The following WDFY3 variants were observed in gnomAD, a reference collection of about 807,000 sequenced individuals.
WDFY3 encodes WD repeat and FYVE domain-containing protein 3.
A neutral mutation model predicts 409.6 loss-of-function variants in WDFY3; 66 were observed. The ratio of observed to expected loss-of-function variants is 0.16; its 90% confidence interval spans 0.13 to 0.20. The LOEUF is 0.20. WDFY3 is among the 10% of genes least tolerant of loss of function. WDFY3 has a pLI of 1.00. For synonymous variants in WDFY3, 1,521 were observed against 1,537.1 expected (o/e 0.99, Z 0.25); for missense variants, 3,031 against 4,298.1 (o/e 0.71, Z 8.24).
At chr4:84,915,461 TC>T (rs1768361665) in intron 2 of WDFY3, among the ~76,000 whole-genome samples, 1 of 152,106 alleles carries the variant, frequency 6.6e-6, no homozygotes, top group Admixed American at 6.6e-5. Context: ...AGTACTAGCT[TC>T]AAAGTATATA....
At chr4:84,856,470 T>C (rs1057021561) in intron 4 of WDFY3, among the ~76,000 whole-genome samples, 3 of 152,188 alleles carry the variant, frequency 2.0e-5, no homozygotes, top group African/African-American at 7.2e-5. Flanking sequence ...TAAATGTTAA[T>C]TATTTTTAAG....
intron 5 of WDFY3, among the ~76,000 whole-genome samples, chr4:84,846,168 C>T (rs935026705): frequency 2.4e-4 from 36 of 151,872 alleles, no homozygotes; most frequent in Admixed American, 1.2e-3. Context: ...AATTGAATAT[C>T]ATAGGATTCA....
chr4:84,712,800 T>C (rs969142714), intron 51 of WDFY3, among the ~76,000 whole-genome samples: 3 of 152,208 alleles, frequency 2.0e-5, no homozygotes, highest in East Asian at 1.9e-4. Context: ...GATGAATAGA[T>C]AGCGAATAAT....
At chr4:84,733,088 G>A (rs79692026) in intron 44 of WDFY3, among the ~76,000 whole-genome samples, 5,503 of 152,228 alleles carry the variant, frequency 0.036, 299 homozygotes, top group African/African-American at 0.13. Context: ...TGAAAACTCA[G>A]AGAGGTTTAA....
At chr4:84,780,375 T>C in intron 25 of WDFY3, 77 bp from the exon 26 acceptor site, 1 of 1,353,030 alleles carries the variant, frequency 7.4e-7, no homozygotes, top group South Asian at 1.7e-5. Context: ...TCTTGAAAAG[T>C]TTTTTAATTA....
chr4:84,741,977 C>A, intron 37 of WDFY3, 56 bp from the exon 38 acceptor site: 2 of 1,455,460 alleles, frequency 1.4e-6, no homozygotes, highest in East Asian at 2.4e-5. Context: ...AACACAGGAC[C>A]AGATCCTCAA....
intron 53 of WDFY3, among the ~76,000 whole-genome samples, chr4:84,707,387 A>G (rs572035121): frequency 1.3e-5 from 2 of 152,294 alleles, no homozygotes; most frequent in South Asian, 4.1e-4. Context: ...GAAATGAGAC[A>G]CTGGGTACAC....
intron 35 of WDFY3, among the ~76,000 whole-genome samples, chr4:84,752,138 C>A (rs562573483): frequency 9.9e-5 from 15 of 152,018 alleles, no homozygotes; most frequent in East Asian, 3.9e-4. Flanking sequence ...GTTAAAAAAA[C>A]CCCAAATAAA....
intron 2 of WDFY3, among the ~76,000 whole-genome samples, chr4:84,922,678 G>A (rs1769444250): frequency 6.6e-6 from 1 of 151,238 alleles, no homozygotes; most frequent in African/African-American, 2.4e-5. Context: ...GCTGTTTTTT[G>A]AGACAGGGTC....
At chr4:84,798,245 A>G in intron 17 of WDFY3, 137 bp from the exon 18 acceptor site, 1 of 677,116 alleles carries the variant, frequency 1.5e-6, no homozygotes, top group Non-Finnish European at 2.4e-6. Flanking sequence ...ATAAAACAAT[A>G]TAGTGTTAGT....
chr4:84,714,949 C>CAAAAAAAAAAAAA (rs770343929), intron 50 of WDFY3, among the ~76,000 whole-genome samples: 2 of 73,106 alleles, frequency 2.7e-5, no homozygotes, highest in African/African-American at 9.9e-5. Context: ...GACTCCGTCT[C>CAAAAAAAAAAAAA]AAAAAAAAAA....
chr4:84,921,901 T>C (rs944100941), intron 2 of WDFY3, among the ~76,000 whole-genome samples: 1 of 151,926 alleles, frequency 6.6e-6, no homozygotes, highest in Non-Finnish European at 1.5e-5. Context: ...GTGATCCACC[T>C]GCCTTGGCCT....
At chr4:84,682,580 A>G in intron 63 of WDFY3, 110 bp from the exon 64 acceptor site, 1 of 867,530 alleles carries the variant, frequency 1.2e-6, no homozygotes, top group South Asian at 1.6e-5. Context: ...CTTAATTTCC[A>G]TCATGTTATA....
At chr4:84,689,997 A>G (rs747413569) in intron 61 of WDFY3, among the ~76,000 whole-genome samples, 5 of 152,246 alleles carry the variant, frequency 3.3e-5, no homozygotes, top group Non-Finnish European at 5.9e-5. Context: ...GTAAAAATTA[A>G]TAATAGAATC....
chr4:84,943,308 T>C (rs2151050062), intron 1 of WDFY3, among the ~76,000 whole-genome samples: 1 of 152,226 alleles, frequency 6.6e-6, no homozygotes, highest in East Asian at 1.9e-4. Flanking sequence ...GAGACCATCC[T>C]GGCTAACACC....
chr4:84,785,741 AT>A (rs1386235443), intron 24 of WDFY3, among the ~76,000 whole-genome samples: 2 of 152,226 alleles, frequency 1.3e-5, no homozygotes, highest in Non-Finnish European at 2.9e-5. Flanking sequence ...TTAATTGCCA[AT>A]ATAAATAAAT....
intron 3 of WDFY3, among the ~76,000 whole-genome samples, chr4:84,896,080 ACC>A (rs1438642934): frequency 6.6e-6 from 1 of 151,854 alleles, no homozygotes; most frequent in African/African-American, 2.4e-5. Flanking sequence ...ACATGGTGAA[ACC>A]CCGTCTCTAC....
intron 3 of WDFY3, among the ~76,000 whole-genome samples, chr4:84,877,658 T>C (rs754728918): frequency 2.0e-5 from 3 of 152,202 alleles, no homozygotes; most frequent in Non-Finnish European, 4.4e-5. Flanking sequence ...TCCCATAGCA[T>C]CCTGTGTACA....
intron 44 of WDFY3, among the ~76,000 whole-genome samples, chr4:84,729,096 G>A (rs548823137): frequency 1.3e-5 from 2 of 152,122 alleles, no homozygotes; most frequent in African/African-American, 4.8e-5. Flanking sequence ...TCCTGCCCAA[G>A]TAACCCCAAA....
Sources: gnomAD v4.1 joint callset for allele counts (sites outside exome capture counted in the v4.1 genomes callset) on GRCh38, gnomAD v4.1.1 for gene constraint, MANE v1.5 for transcripts, NCBI Gene and HGNC (gene_info 2026-07-23, HGNC 2026-07-21) for gene names.